The following SNRPN variants were observed in gnomAD, a reference collection of about 807,000 sequenced individuals.
SNRPN encodes the protein small nuclear ribonucleoprotein polypeptide N, also known as small nuclear ribonucleoprotein-associated protein N.
Under a neutral mutation model 25.2 loss-of-function variants are expected in SNRPN, and 7 were observed. The ratio of observed to expected loss-of-function variants is 0.28; its 90% CI spans 0.16 to 0.52. The LOEUF (loss-of-function observed/expected upper bound fraction) is 0.52. Among genes scored for constraint, SNRPN ranks in the 20% least tolerant of loss-of-function variants. The pLI, the probability that SNRPN is intolerant of heterozygous loss-of-function variation, is 0.96. For synonymous variants in SNRPN, 124 were observed against 110.6 expected, an observed-to-expected ratio of 1.12 and a Z score of -0.76; for missense variants, 196 against 322.5, an observed-to-expected ratio of 0.61 and a Z score of 3.00.
At chr15:24,888,330 A>G (rs2057369453) in intron 2 of SNRPN, among the ~76,000 whole-genome samples, 1 of 151,888 alleles carries the variant, frequency 6.6e-6, no homozygotes, top group African/African-American at 2.4e-5. Context: ...CTGGTCTCGA[A>G]CTCCAGACCT....
chr15:24,943,547 G>C (rs974260595), intron 3 of SNRPN, among the ~76,000 whole-genome samples: 1 of 152,116 alleles, frequency 6.6e-6, no homozygotes, highest in Non-Finnish European at 1.5e-5. Context: ...TAACTTTACA[G>C]CTGGGCTGGT....
At chr15:24,973,010 C>A (rs1000414212) in intron 3 of SNRPN, among the ~76,000 whole-genome samples, 4 of 152,092 alleles carry the variant, frequency 2.6e-5, no homozygotes, top group Admixed American at 6.5e-5. Context: ...GCCTCAGCCT[C>A]CTGAGTAGCT....
intron 2 of SNRPN, among the ~76,000 whole-genome samples, chr15:24,832,664 A>G (rs1267288048): frequency 2.0e-5 from 3 of 151,952 alleles, no homozygotes; most frequent in Admixed American, 6.6e-5. Flanking sequence ...GCTCTTCACA[A>G]TAAGCCTTGC....
upstream of SNRPN, among the ~76,000 whole-genome samples, chr15:24,952,046 C>A (rs2062324020): frequency 6.6e-6 from 1 of 151,956 alleles, no homozygotes; most frequent in African/African-American, 2.4e-5. Context: ...TATATATATA[C>A]ACACATATAT....
chr15:24,874,803 A>G (rs911220552), intron 1 of SNRPN, among the ~76,000 whole-genome samples: 4 of 152,154 alleles, frequency 2.6e-5, no homozygotes, highest in African/African-American at 9.7e-5. Context: ...AGCAAAGATG[A>G]TGACAATGTG....
chr15:24,947,857 G>A (rs2061976163), intron 3 of SNRPN, among the ~76,000 whole-genome samples: 1 of 152,034 alleles, frequency 6.6e-6, no homozygotes, highest in Non-Finnish European at 1.5e-5. Context: ...CAATAAGTTA[G>A]GGGGCGGAGG....
intron 1 of SNRPN, among the ~76,000 whole-genome samples, chr15:24,860,689 A>G (rs959111857): frequency 2.6e-5 from 4 of 152,212 alleles, no homozygotes; most frequent in African/African-American, 9.6e-5. Context: ...ATTTTATCAT[A>G]AAGTGTTGAA....
At chr15:24,957,886 A>G (rs1265092387) in intron 1 of SNRPN, among the ~76,000 whole-genome samples, 1 of 152,132 alleles carries the variant, frequency 6.6e-6, no homozygotes, top group Non-Finnish European at 1.5e-5. Context: ...AATATGGCAG[A>G]TCCCTTTGGA....
chr15:24,922,441 A>G (rs896172949), intron 3 of SNRPN, among the ~76,000 whole-genome samples: 3 of 152,210 alleles, frequency 2.0e-5, no homozygotes, highest in African/African-American at 7.2e-5. Context: ...TGCATACAAT[A>G]CAGTACTGCT....
intron 3 of SNRPN, among the ~76,000 whole-genome samples, chr15:24,933,497 G>T (rs2061020063): frequency 6.6e-6 from 1 of 152,118 alleles, no homozygotes; most frequent in Non-Finnish European, 1.5e-5. Context: ...TAGGTCTTAG[G>T]CTGGGCACGG....
chr15:24,886,176 C>T (rs1042090756), intron 1 of SNRPN, among the ~76,000 whole-genome samples: 6 of 152,130 alleles, frequency 3.9e-5, no homozygotes, highest in Admixed American at 3.3e-4. Context: ...ATCTGATCAC[C>T]TTCTATATCT....
At chr15:24,937,301 T>C (rs2061293153) in intron 3 of SNRPN, among the ~76,000 whole-genome samples, 1 of 152,126 alleles carries the variant, frequency 6.6e-6, no homozygotes, top group Non-Finnish European at 1.5e-5. Flanking sequence ...TTATTGACAC[T>C]TTTTAGTATT....
At chr15:24,959,402 G>A (rs891559038) in intron 1 of SNRPN, among the ~76,000 whole-genome samples, 2 of 152,100 alleles carry the variant, frequency 1.3e-5, no homozygotes, top group African/African-American at 4.8e-5. Context: ...CAAGGCAGAA[G>A]GATCACTGGA....
At chr15:24,873,521 C>T (rs545123368) in intron 1 of SNRPN, among the ~76,000 whole-genome samples, 97 of 149,068 alleles carry the variant, frequency 6.5e-4, no homozygotes, top group African/African-American at 2.2e-3. Context: ...AATCTTGGCT[C>T]ACTGCAAGCT....
intron 1 of SNRPN, among the ~76,000 whole-genome samples, chr15:24,885,745 TG>T (rs1688641335): frequency 6.6e-6 from 1 of 151,878 alleles, no homozygotes; most frequent in African/African-American, 2.4e-5. Context: ...TGTGTGTGTG[TG>T]TGTGTGTATG....
intron 3 of SNRPN, among the ~76,000 whole-genome samples, chr15:24,972,519 G>A (rs1199828570): frequency 6.7e-6 from 1 of 149,736 alleles, no homozygotes. Flanking sequence ...GCCACTGAAT[G>A]ACAGCCAGGC....
chr15:24,839,331 G>A (rs1438044823), intron 2 of SNRPN, among the ~76,000 whole-genome samples: 1 of 152,002 alleles, frequency 6.6e-6, no homozygotes, highest in Non-Finnish European at 1.5e-5. Context: ...GATGCTTCTT[G>A]GTGAGACTGA....
intron 2 of SNRPN, among the ~76,000 whole-genome samples, chr15:24,963,152 T>G (rs1301221623): frequency 4.6e-5 from 7 of 152,228 alleles, no homozygotes; most frequent in Non-Finnish European, 4.4e-5. Context: ...GCTGTCTGTA[T>G]TTTGACAATA....
At chr15:24,882,565 G>A (rs552202746) in intron 1 of SNRPN, among the ~76,000 whole-genome samples, 5 of 152,124 alleles carry the variant, frequency 3.3e-5, no homozygotes, top group African/African-American at 9.6e-5. Flanking sequence ...GGTGGCTTAC[G>A]CCTGTAATTC....
Sources: allele counts gnomAD v4.1 joint callset (sites outside exome capture counted in the v4.1 genomes callset), GRCh38; gene constraint gnomAD v4.1.1; transcripts MANE v1.5; gene names NCBI Gene and HGNC (gene_info 2026-07-23, HGNC 2026-07-21).